The following TANC2 variants were observed in gnomAD, a reference collection of about 807,000 sequenced individuals.
The protein encoded by TANC2 is protein TANC2.
Under a neutral mutation model 210.5 loss-of-function variants are expected in TANC2, and 26 were observed. The observed-to-expected ratio is 0.12, with a 90% CI of 0.09 to 0.17. The LOEUF is 0.17. Ranked by LOEUF, TANC2 falls within the 10% of genes least tolerant of loss-of-function variation. The probability of loss-of-function intolerance (pLI) is 1.00; values close to 1 mark genes in which losing one functional copy is unlikely to be tolerated. For synonymous variants in TANC2, 931 were observed against 967.1 expected (o/e 0.96, Z 0.69); for missense variants, 2,129 against 2,608.9 (o/e 0.82, Z 4.01).
chr17:63,276,440 G>A lies in TANC2; in HGVS notation c.1159+8567G>A, dbSNP rs772837395. Among the ~76,000 whole-genome samples the A allele has an allele frequency of 8.3e-4, 125 of 150,578 alleles. 1 individual carries two copies. Among genetic ancestry groups the A allele is most frequent in the Non-Finnish European group, 1.6e-3 (106 of 67,760 alleles). Reference sequence around the variant, plus strand: ...TTCTCTACATTTTCAGGTATTAAATGTGAGGAAGCATATAAAAAAGCAGCA... The same window carrying A: ...TTCTCTACATTTTCAGGTATTAAATATGAGGAAGCATATAAAAAAGCAGCA... On this transcript the variant is annotated intron_variant, in intron 9 of 27. Transcript: ENST00000689528.
intron 6 of TANC2, among the ~76,000 whole-genome samples, chr17:63,196,490 T>A: frequency 6.6e-6 from 1 of 152,344 alleles, no homozygotes; most frequent in South Asian, 2.1e-4. Flanking sequence ...TTGTACTTGT[T>A]GTTCTTGAGA....
intron 4 of TANC2, among the ~76,000 whole-genome samples, chr17:63,137,674 C>T (rs1017582299): frequency 8.5e-5 from 13 of 152,108 alleles, no homozygotes; most frequent in Non-Finnish European, 1.5e-5. Context: ...TCTGTCTTTG[C>T]TTTGATTCTC....
intron 11 of TANC2, chr17:63,334,151 A>T (rs1357067160): frequency 1.3e-5 from 2 of 152,216 alleles, no homozygotes; most frequent in African/African-American, 4.8e-5. Flanking sequence ...ATGACACATC[A>T]ATACAATAAT....
chr17:63,183,049 T>C (rs1468512052), intron 5 of TANC2, among the ~76,000 whole-genome samples: 1 of 147,536 alleles, frequency 6.8e-6, no homozygotes, highest in Non-Finnish European at 1.5e-5. Context: ...TTTGAATTTA[T>C]TGATGAGGCC....
At chr17:63,127,244 A>G (rs1378588914) in intron 4 of TANC2, among the ~76,000 whole-genome samples, 1 of 152,158 alleles carries the variant, frequency 6.6e-6, no homozygotes, top group Admixed American at 6.5e-5. Flanking sequence ...ATTTTTGTAG[A>G]TATATTAATG....
In TANC2 at chr17:63,412,607, C is replaced by CTTT; in HGVS notation, c.3899-62_3899-60dup. On this transcript the variant is annotated intron_variant, in intron 23 of 27. Coordinates refer to ENST00000689528, the Ensembl canonical transcript of TANC2. The surrounding 1 kb of genome is among the most constrained non-coding windows in gnomAD (Gnocchi z 4.2). ...TGCCTCTCACTGCTGCTTTTTCCTT[C>CTTT]TTTTTTTTTTTTTCACCTTCATCCA... is the stretch of plus-strand genomic sequence containing the variant. The CTTT allele has an allele frequency of 6.1e-6, 7 of 1,151,036 alleles. No homozygotes were observed. The highest frequency in any genetic ancestry group is 2.3e-5 in the Admixed American group (1 of 42,642). 71.3% of individuals were successfully genotyped at this position (1,151,036 alleles called of 1,614,324 possible).
At chr17:63,141,824 T>TTTGAG (rs1468016590) in intron 4 of TANC2, among the ~76,000 whole-genome samples, 1 of 152,202 alleles carries the variant, frequency 6.6e-6, no homozygotes, top group Non-Finnish European at 1.5e-5. Context: ...TTAATTCTTA[T>TTTGAG]TTGAGTGCCA....
exon 21 of TANC2, chr17:63,406,176 A>T: frequency 6.2e-7 from 1 of 1,613,892 alleles, no homozygotes; most frequent in South Asian, 1.1e-5. Flanking sequence ...TTACTCACCC[A>T]TGGAGCTGAT....
chr17:63,130,238 G>C (rs542969087), intron 4 of TANC2, among the ~76,000 whole-genome samples: 12 of 152,292 alleles, frequency 7.9e-5, no homozygotes, highest in South Asian at 2.1e-4. Flanking sequence ...GGCCGGCTCA[G>C]TGGCTCACAC....
In TANC2 at chr17:63,421,934, G is replaced by A. The variant is rs760143670; in HGVS notation, c.6204G>A (p.Pro2068=). ...CATCCCCTATCAAACCAAAGAGACC[G>A]TTCGTGGAGTCTAATGTTTAAAAGA... The change falls in exon 28 of 28, where the codon CCG becomes CCA. Residue 2068 remains proline (P), a synonymous_variant. Transcript: ENST00000689528. The surrounding 1 kb of genome is among the most constrained non-coding windows in gnomAD (Gnocchi z 6.9). 5.2e-5 allele frequency: 84 copies of A among 1,610,272 alleles called. 1 individual carries two copies. The highest frequency in any genetic ancestry group is 1.0e-4 in the Admixed American group (6 of 59,382).
chr17:63,352,967 G>T (rs1416024239), intron 13 of TANC2, among the ~76,000 whole-genome samples: 1 of 152,098 alleles, frequency 6.6e-6, no homozygotes, highest in Non-Finnish European at 1.5e-5. Flanking sequence ...AGGTAGTGTT[G>T]AGTGCTATGA....
At chr17:63,232,962 AT>A (rs1361605401) in intron 7 of TANC2, among the ~76,000 whole-genome samples, 1 of 152,190 alleles carries the variant, frequency 6.6e-6, no homozygotes, top group Non-Finnish European at 1.5e-5. Context: ...AGTTACTGAA[AT>A]TCCCACAGGG....
chr17:63,355,786 GC>G (rs2046763962), intron 14 of TANC2, among the ~76,000 whole-genome samples: 1 of 152,002 alleles, frequency 6.6e-6, no homozygotes, highest in South Asian at 2.1e-4. Context: ...AGTTTTTATT[GC>G]CCTTTTATAA....
At chr17:63,346,480 A>G (rs1015189369) in intron 12 of TANC2, among the ~76,000 whole-genome samples, 31 of 152,340 alleles carry the variant, frequency 2.0e-4, no homozygotes, top group African/African-American at 7.5e-4. Flanking sequence ...TCAACAGCCT[A>G]CAAGCACATG....
Position 63,412,737 on chromosome 17 carries a change from C to T in TANC2, c.3928+28C>T. The T allele has an allele frequency of 6.5e-7, 1 of 1,535,790 alleles. No homozygotes were observed. Among genetic ancestry groups the T allele is most frequent in the Non-Finnish European group, 8.7e-7 (1 of 1,146,870 alleles). ...ATATTTCACCGCTGTCAGCATCAGG[C>T]GTGGTCTGATGGCTTGGTCAGCTTT... On this transcript the variant is annotated intron_variant, in intron 24 of 27. Coordinates refer to ENST00000689528, the Ensembl canonical transcript of TANC2. This position sits in a 1 kb window ranked among gnomAD's most constrained non-coding sequence, Gnocchi z 4.2.
intron 9 of TANC2, among the ~76,000 whole-genome samples, chr17:63,269,205 A>G (rs1483406699): frequency 1.3e-5 from 2 of 152,158 alleles, no homozygotes; most frequent in Non-Finnish European, 2.9e-5. Flanking sequence ...AACAGCAGTT[A>G]GTTGATAGCC....
Position 63,415,771 on chromosome 17 carries a change from C to G in TANC2, c.4167+97C>G, listed in dbSNP as rs1250006930. The G allele has an allele frequency of 3.4e-6, 5 of 1,452,370 alleles. No homozygotes were observed. The African/African-American group carries it at 5.7e-5, about 17-fold the overall frequency. The allele number at this position is 1,452,370 out of a possible 1,614,324, so 90.0% of individuals were successfully genotyped here. The stretch of plus-strand genomic sequence containing the variant: ...ACCAGGCCCCTGAAATCCTCCTCTG[C>G]CCCATTTGGAACTTGGTTGTCCTTC... On this transcript the variant is annotated intron_variant, in intron 26 of 27. Transcript: ENST00000689528.
chr17:63,175,878 T>C (rs1409914053), intron 5 of TANC2, among the ~76,000 whole-genome samples: 2 of 152,210 alleles, frequency 1.3e-5, no homozygotes, highest in Non-Finnish European at 2.9e-5. Context: ...CAACTGAAGT[T>C]TTAAAATGGA....
intron 2 of TANC2, among the ~76,000 whole-genome samples, chr17:63,017,197 A>G (rs1428659425): frequency 6.6e-6 from 1 of 152,208 alleles, no homozygotes. Flanking sequence ...TTCTTTCTCT[A>G]CTGAATGGAC....
Sources: allele counts gnomAD v4.1 joint callset (sites outside exome capture counted in the v4.1 genomes callset), GRCh38; gene constraint gnomAD v4.1.1; non-coding constraint Gnocchi (gnomAD v3.1); transcripts MANE v1.5; gene names NCBI Gene and HGNC (gene_info 2026-07-23, HGNC 2026-07-21).